MED24: variants seen among roughly 807,000 people sequenced by gnomAD.
MED24 encodes mediator complex subunit 24, also known as mediator of RNA polymerase II transcription subunit 24.
Under a neutral mutation model 118.8 loss-of-function variants are expected in MED24, and 74 were observed. The observed-to-expected ratio is 0.62, with a 90% confidence interval of 0.52 to 0.76. The LOEUF is 0.76. MED24 is among the 30% of genes least tolerant of loss of function. The probability of loss-of-function intolerance (pLI) is 0.00; values close to 1 mark genes in which losing one functional copy is unlikely to be tolerated. For synonymous variants in MED24, 521 were observed against 523.9 expected (o/e 0.99, Z 0.08); for missense variants, 1,041 against 1,278.9 (o/e 0.81, Z 2.84).
At chr17:40,039,497 CTT>C (rs1396570752) in intron 3 of MED24, among the ~76,000 whole-genome samples, 1 of 152,232 alleles carries the variant, frequency 6.6e-6, no homozygotes, top group Non-Finnish European at 1.5e-5. Flanking sequence ...CAAAGAGCCT[CTT>C]GACTCTGAAG....
chr17:40,029,088 A>G, intron 13 of MED24, 120 bp from the exon 14 acceptor site: 1 of 1,362,850 alleles, frequency 7.3e-7, no homozygotes, highest in Non-Finnish European at 1.0e-6. Flanking sequence ...TTCTGACTTC[A>G]ATCTGGAAAA....
rs150084129 is a variant in MED24 at position 40,026,304 on chromosome 17, C to A, written c.1837G>T (p.Val613Leu). 2.5e-6 allele frequency: 4 copies of A among 1,614,032 alleles called. No homozygotes were observed. The African/African-American group carries it at 5.3e-5, about 22-fold the overall frequency. Reference sequence around the variant, plus strand: ...ACAGCACACACCGCCAGACTGCATACCTTCCCTTTGATGTTATCAGTGATT... The same window carrying A: ...ACAGCACACACCGCCAGACTGCATAACTTCCCTTTGATGTTATCAGTGATT... Reference protein sequence around the residue: ...QKITDNIKGKVCSLAVCAVAW... With the variant: ...QKITDNIKGKLCSLAVCAVAW... Residue 613 changes from valine (V) to leucine (L), a missense_variant, in exon 19 of 26, where the codon GTA (valine) becomes TTA (leucine). Physicochemically the swap from Val to Leu is conservative, Grantham distance 32. Transcript: ENST00000394128.
At chr17:40,042,686 AC>A (rs1315555238) in intron 3 of MED24, among the ~76,000 whole-genome samples, 1 of 152,186 alleles carries the variant, frequency 6.6e-6, no homozygotes, top group Non-Finnish European at 1.5e-5. Flanking sequence ...CTCAAAAAAA[AC>A]AGAGAAAGAT....
chr17:40,053,825 A>T (rs1986079638), intron 1 of MED24, 190 bp from the exon 2 acceptor site: 4 of 723,960 alleles, frequency 5.5e-6, no homozygotes, highest in Admixed American at 2.8e-5. Context: ...GCCCTTCCTT[A>T]AACTGGGGCA....
intron 23 of MED24, among the ~76,000 whole-genome samples, chr17:40,020,844 G>A (rs368494472): frequency 2.0e-5 from 3 of 151,996 alleles, no homozygotes; most frequent in African/African-American, 4.8e-5. Flanking sequence ...AGGCCAAGGC[G>A]GGTGGATCAT....
At chr17:40,026,608 G>C (rs762434715) in intron 18 of MED24, 39 bp downstream of exon 18, 2 of 1,551,288 alleles carry the variant, frequency 1.3e-6, no homozygotes, top group South Asian at 2.3e-5. Flanking sequence ...CTGGCTCTGT[G>C]TCTCAGGGGA....
At chr17:40,054,331 C>T (rs1241325501) in intron 1 of MED24, 30 bp downstream of exon 1, 1 of 152,684 alleles carries the variant, frequency 6.5e-6, no homozygotes, top group Admixed American at 6.5e-5. Flanking sequence ...ATTTCCTTTT[C>T]ATCCACCACC....
At chr17:40,031,737 G>A in intron 10 of MED24, 117 bp from the exon 11 acceptor site, 2 of 972,236 alleles carry the variant, frequency 2.1e-6, no homozygotes, top group Non-Finnish European at 3.1e-6. Context: ...TCTGCCTGGA[G>A]CCTGGGTGTA....
chr17:40,025,172 T>C (rs991208228), intron 19 of MED24, among the ~76,000 whole-genome samples: 4 of 152,286 alleles, frequency 2.6e-5, no homozygotes, highest in Non-Finnish European at 4.4e-5. Context: ...TCCAGTTAAA[T>C]GAGGCATCTA....
intron 3 of MED24, among the ~76,000 whole-genome samples, chr17:40,051,269 C>T (rs1275392834): frequency 6.6e-6 from 1 of 151,952 alleles, no homozygotes; most frequent in Non-Finnish European, 1.5e-5. Flanking sequence ...CAAGATTGTG[C>T]CACTGTACTC....
chr17:40,036,053 C>A (rs1010779566), intron 4 of MED24, 63 bp downstream of exon 4: 2 of 1,527,496 alleles, frequency 1.3e-6, no homozygotes, highest in Middle Eastern at 1.7e-4. Context: ...GCATCAGGGC[C>A]GTCAAGGAGG....
intron 3 of MED24, among the ~76,000 whole-genome samples, chr17:40,037,071 C>A (rs1377568623): frequency 6.6e-6 from 1 of 152,022 alleles, no homozygotes; most frequent in Admixed American, 6.6e-5. Context: ...ATCTCAGCTA[C>A]TTGGGAGGCT....
intron 15 of MED24, 25 bp from the exon 16 acceptor site, chr17:40,027,490 C>T: frequency 1.3e-6 from 2 of 1,596,420 alleles, no homozygotes; most frequent in Non-Finnish European, 8.5e-7. Context: ...GAAGGCTGAG[C>T]TCCCAGACGA....
rs1982722134 is a variant in MED24 at position 40,026,848 on chromosome 17, C to T, written c.1709+8G>A. The T allele has an allele frequency of 1.9e-6, 3 of 1,611,492 alleles. No individual in the cohort carries two copies. The highest frequency in any genetic ancestry group is 2.5e-6 in the Non-Finnish European group (3 of 1,178,130). The stretch of plus-strand genomic sequence containing the variant: ...GCCACCCTTGGAGTGGGCGCCCGGG[C>T]CACTGACACTAGCTTCATCTCCGAG... On this transcript the variant is annotated splice_region_variant and intron_variant, in intron 17 of 25. Coordinates refer to ENST00000394128, the MANE Select transcript of MED24 (RefSeq NM_014815.4).
intron 9 of MED24, 121 bp from the exon 10 acceptor site, chr17:40,032,211 GAGTGAGAGCACACT>G: frequency 2.6e-6 from 3 of 1,168,390 alleles, no homozygotes; most frequent in Non-Finnish European, 3.7e-6. Context: ...CCTACCCTGG[GAGTGAGAGCACACT>G]TAGTGCTAAA....
chr17:40,029,446 C>T (rs1983111910), intron 13 of MED24, among the ~76,000 whole-genome samples: 1 of 152,190 alleles, frequency 6.6e-6, no homozygotes, highest in Non-Finnish European at 1.5e-5. Flanking sequence ...GATCTTCCCA[C>T]CTCAGCCTCC....
At chr17:40,027,811 C>T in intron 15 of MED24, 98 bp downstream of exon 15, 2 of 1,321,090 alleles carry the variant, frequency 1.5e-6, no homozygotes, top group South Asian at 2.4e-5. Context: ...AGCACAGCCT[C>T]CCCCTGTTGA....
At chr17:40,028,010 G>C in intron 14 of MED24, 64 bp from the exon 15 acceptor site, 1 of 1,513,876 alleles carries the variant, frequency 6.6e-7, no homozygotes, top group Admixed American at 1.7e-5. Context: ...TGGGCGCTGG[G>C]GCTACACATG....
intron 23 of MED24, among the ~76,000 whole-genome samples, chr17:40,021,745 G>A (rs1251462548): frequency 6.6e-6 from 1 of 152,202 alleles, no homozygotes; most frequent in African/African-American, 2.4e-5. Context: ...CCTGGGCAGA[G>A]GAGCTTCAAC....
Sources: gnomAD v4.1 joint callset for allele counts (sites outside exome capture counted in the v4.1 genomes callset) on GRCh38, gnomAD v4.1.1 for gene constraint, MANE v1.5 for transcripts, NCBI Gene and HGNC (gene_info 2026-07-23, HGNC 2026-07-21) for gene names.